Variants in PHF24 observed in about 807,000 individuals in gnomAD.
The protein encoded by PHF24 is Galpha inhibitory interacting protein.
PHF24 carries 25 observed loss-of-function variants against 42.6 expected under a neutral mutation model. The observed-to-expected ratio is 0.59, with a 90% CI of 0.43 to 0.82. PHF24 has a LOEUF of 0.82. PHF24 is among the 40% of genes least tolerant of loss of function. PHF24 has a pLI of 0.00. For synonymous variants in PHF24, 185 were observed against 204.8 expected, an observed-to-expected ratio of 0.90 and a Z score of 0.83; for missense variants, 470 against 538.1, an observed-to-expected ratio of 0.87 and a Z score of 1.25.
chr9:34,665,683 G>A, the PHF24 span: 1 of 700,908 alleles, frequency 1.4e-6, no homozygotes, highest in Non-Finnish European at 2.6e-6. Flanking sequence ...AACGTCTCCT[G>A]GGGAGCGGCA....
chr9:34,676,248 G>T, the PHF24 span, among the ~76,000 whole-genome samples: 1 of 152,240 alleles, frequency 6.6e-6, no homozygotes, highest in South Asian at 2.1e-4. Context: ...GTTGGGCTGG[G>T]CATGGTGGCT....
the PHF24 span, chr9:34,917,789 A>C: frequency 8.3e-7 from 1 of 1,201,450 alleles, no homozygotes; most frequent in Non-Finnish European, 1.3e-6. Context: ...GAGAATTTCA[A>C]ATTGGACCCT....
the PHF24 span, among the ~76,000 whole-genome samples, chr9:34,888,665 G>A: frequency 6.6e-6 from 1 of 152,204 alleles, no homozygotes; most frequent in African/African-American, 2.4e-5. Flanking sequence ...GGAGCACCAT[G>A]GCACTCTAAA....
At chr9:34,895,118 TACACC>T in the PHF24 span, 4 of 398,472 alleles carry the variant, frequency 1.0e-5, no homozygotes, top group Admixed American at 1.3e-4. Context: ...GCAAAGCTGC[TACACC>T]ATTTTTTCCC....
chr9:34,976,270 G>A (rs768816969), intron 4 of PHF24, 40 bp downstream of exon 4: 2 of 1,516,040 alleles, frequency 1.3e-6, no homozygotes, highest in Non-Finnish European at 1.8e-6. Flanking sequence ...GAGGGGCCGG[G>A]CAGATTTCTC....
chr9:34,931,078 A>G, the PHF24 span, among the ~76,000 whole-genome samples: 4 of 152,138 alleles, frequency 2.6e-5, no homozygotes, highest in African/African-American at 4.8e-5. Flanking sequence ...GTGTGGCACC[A>G]TAAGAATGGT....
chr9:34,816,397 A>T, the PHF24 span, among the ~76,000 whole-genome samples: 1 of 152,210 alleles, frequency 6.6e-6, no homozygotes. Flanking sequence ...ACGTATCCCC[A>T]CAGATCAAAG....
At chr9:34,757,842 G>A in the PHF24 span, among the ~76,000 whole-genome samples, 153 of 152,278 alleles carry the variant, frequency 1.0e-3, 1 homozygote, top group African/African-American at 3.4e-3. Context: ...TGCACATGGT[G>A]TGTTGGCCAG....
At chr9:34,704,199 T>C in the PHF24 span, among the ~76,000 whole-genome samples, 1 of 134,370 alleles carries the variant, frequency 7.4e-6, no homozygotes, top group African/African-American at 2.6e-5. Context: ...GCTAATTCTT[T>C]CTTTTTTTTT....
At chr9:34,924,395 G>C in the PHF24 span, among the ~76,000 whole-genome samples, 3 of 152,086 alleles carry the variant, frequency 2.0e-5, no homozygotes, top group South Asian at 2.1e-4. Context: ...AGCTATTATT[G>C]TATAAGGGTC....
the PHF24 span, among the ~76,000 whole-genome samples, chr9:34,773,260 G>A: frequency 1.2e-4 from 19 of 152,178 alleles, no homozygotes; most frequent in Non-Finnish European, 2.5e-4. Context: ...AAAGTGCTGG[G>A]ATTACAAGCA....
chr9:34,740,135 C>T, the PHF24 span, among the ~76,000 whole-genome samples: 3 of 152,246 alleles, frequency 2.0e-5, no homozygotes, highest in Non-Finnish European at 4.4e-5. Context: ...TAAAGGTTCT[C>T]CATGTCCCCA....
the PHF24 span, among the ~76,000 whole-genome samples, chr9:34,920,493 T>C: frequency 6.6e-6 from 1 of 152,200 alleles, no homozygotes; most frequent in Non-Finnish European, 1.5e-5. Context: ...GGGTCTTTTG[T>C]GGTTCCATAT....
At chr9:34,957,977 T>TG (rs141804625), upstream of PHF24, among the ~76,000 whole-genome samples, 2,516 of 151,174 alleles carry the variant, frequency 0.017, 67 homozygotes, top group African/African-American at 0.058. Context: ...CGGGCGCTCG[T>TG]GGGGGGCGCC....
chr9:34,899,916 C>T, the PHF24 span, among the ~76,000 whole-genome samples: 2 of 152,096 alleles, frequency 1.3e-5, no homozygotes, highest in African/African-American at 4.8e-5. Flanking sequence ...ACTAATGAAT[C>T]GGAATCTCTA....
chr9:34,669,349 C>A, the PHF24 span, among the ~76,000 whole-genome samples: 4 of 151,986 alleles, frequency 2.6e-5, no homozygotes, highest in Non-Finnish European at 5.9e-5. Context: ...CATGCCCCTC[C>A]GTACCGTTTA....
intron 3 of PHF24, among the ~76,000 whole-genome samples, chr9:34,973,621 G>A (rs1443180249): frequency 1.3e-5 from 2 of 152,208 alleles, no homozygotes; most frequent in African/African-American, 4.8e-5. Flanking sequence ...CTGCTGCTTA[G>A]ACGAAAGCAG....
the PHF24 span, among the ~76,000 whole-genome samples, chr9:34,744,117 T>C: frequency 2.6e-5 from 4 of 152,208 alleles, no homozygotes; most frequent in Non-Finnish European, 5.9e-5. Flanking sequence ...TTCCAACACA[T>C]GAACTTTGGG....
At chr9:34,930,094 A>G in the PHF24 span, among the ~76,000 whole-genome samples, 1 of 152,198 alleles carries the variant, frequency 6.6e-6, no homozygotes, top group African/African-American at 2.4e-5. Flanking sequence ...TTCCACGTAA[A>G]ATAGAGAAGA....
Sources: allele counts gnomAD v4.1 joint callset (sites outside exome capture counted in the v4.1 genomes callset), GRCh38; gene constraint gnomAD v4.1.1; transcripts MANE v1.5; gene names NCBI Gene and HGNC (gene_info 2026-07-23, HGNC 2026-07-21).